Variants in SLC25A17 observed in about 807,000 individuals in gnomAD.
The protein encoded by SLC25A17 is solute carrier family 25 member 17, also known as peroxisomal membrane protein PMP34.
A neutral mutation model predicts 38.5 loss-of-function variants in SLC25A17; 26 were observed. That is an observed-to-expected ratio of 0.68 (90% CI 0.50 to 0.94). SLC25A17 has a LOEUF of 0.94. Among genes scored for constraint, SLC25A17 ranks in the 40% least tolerant of loss-of-function variants. The pLI, the probability that SLC25A17 is intolerant of heterozygous loss-of-function variation, is 0.00. For missense variants in SLC25A17, 333 were observed against 372.7 expected, an observed-to-expected ratio of 0.89 and a Z score of 0.88; for synonymous variants, 139 against 136.2, an observed-to-expected ratio of 1.02 and a Z score of -0.14.
At chr22:40,808,548 G>C (rs558654271) in intron 1 of SLC25A17, among the ~76,000 whole-genome samples, 54 of 152,328 alleles carry the variant, frequency 3.5e-4, no homozygotes, top group African/African-American at 1.3e-3. Flanking sequence ...ACACACATAA[G>C]ATCTGGGAAA....
intron 4 of SLC25A17, among the ~76,000 whole-genome samples, chr22:40,787,567 T>C (rs2057349885): frequency 6.6e-6 from 1 of 152,148 alleles, no homozygotes; most frequent in African/African-American, 2.4e-5. Flanking sequence ...CCTATAAAAG[T>C]ATACCAGCAG....
chr22:40,785,773 A>G (rs1454715896), intron 4 of SLC25A17, among the ~76,000 whole-genome samples: 2 of 151,766 alleles, frequency 1.3e-5, no homozygotes, highest in African/African-American at 2.4e-5. Flanking sequence ...AGCTAGGACT[A>G]CAAGTGCATG....
chr22:40,796,936 A>G (rs1046369257), intron 2 of SLC25A17, among the ~76,000 whole-genome samples: 2 of 152,350 alleles, frequency 1.3e-5, no homozygotes, highest in Non-Finnish European at 1.5e-5. Context: ...TGTTAAGTGA[A>G]AAGTTCAAAG....
At chr22:40,814,085 A>G (rs1243947001) in intron 1 of SLC25A17, 1 of 152,240 alleles carries the variant, frequency 6.6e-6, no homozygotes, top group African/African-American at 2.4e-5. Context: ...AAAGACTCCT[A>G]TCTTTCATTT....
intron 6 of SLC25A17, 42 bp from the exon 7 acceptor site, chr22:40,777,177 C>T: frequency 6.2e-7 from 1 of 1,613,730 alleles, no homozygotes; most frequent in Non-Finnish European, 8.5e-7. Context: ...ATCAAGTCAA[C>T]AAGAAGGTGT....
At chr22:40,792,403 A>C (rs1859271722) in intron 4 of SLC25A17, 122 bp downstream of exon 4, 2 of 843,922 alleles carry the variant, frequency 2.4e-6, no homozygotes, top group Admixed American at 3.1e-5. Context: ...AAAAAAAAAA[A>C]AACCAAGTTG....
chr22:40,792,773 C>A, intron 3 of SLC25A17, 97 bp from the exon 4 acceptor site: 2 of 1,222,498 alleles, frequency 1.6e-6, no homozygotes, highest in South Asian at 1.4e-5. Flanking sequence ...CACATGGTCT[C>A]AAGCTTCACT....
At chr22:40,783,548 G>A (rs2057311864) in intron 4 of SLC25A17, among the ~76,000 whole-genome samples, 1 of 151,796 alleles carries the variant, frequency 6.6e-6, no homozygotes, top group Non-Finnish European at 1.5e-5. Flanking sequence ...CCTACTCCTG[G>A]GCTTAAGTGA....
At chr22:40,773,413 A>C (rs1351288657) in intron 8 of SLC25A17, among the ~76,000 whole-genome samples, 1 of 146,988 alleles carries the variant, frequency 6.8e-6, no homozygotes, top group Non-Finnish European at 1.5e-5. Context: ...CTGTCTCCAA[A>C]AAAAAAAAAA....
chr22:40,812,248 TA>T (rs201451733), intron 1 of SLC25A17, among the ~76,000 whole-genome samples: 7 of 147,224 alleles, frequency 4.8e-5, no homozygotes, highest in Non-Finnish European at 6.0e-5. Context: ...GGCTACTTAC[TA>T]AAAAAAAAAG....
intron 1 of SLC25A17, among the ~76,000 whole-genome samples, chr22:40,812,017 C>T (rs568181443): frequency 2.0e-5 from 3 of 151,586 alleles, no homozygotes; most frequent in African/African-American, 7.3e-5. Context: ...GGATTTCTTT[C>T]TTTTTCTCTT....
chr22:40,799,181 G>A, intron 1 of SLC25A17, 98 bp from the exon 2 acceptor site: 2 of 627,222 alleles, frequency 3.2e-6, no homozygotes, highest in African/African-American at 9.7e-5. Flanking sequence ...ATCTAGGCTG[G>A]AGTGCAGTGG....
At chr22:40,779,263 T>C (rs2057275039) in intron 4 of SLC25A17, 138 bp from the exon 5 acceptor site, 1 of 1,523,660 alleles carries the variant, frequency 6.6e-7, no homozygotes, top group Admixed American at 2.0e-5. Flanking sequence ...AGGTGTCTCT[T>C]TGTGCCAGGG....
chr22:40,781,698 A>G (rs947619241), intron 4 of SLC25A17, among the ~76,000 whole-genome samples: 1 of 152,146 alleles, frequency 6.6e-6, no homozygotes, highest in Non-Finnish European at 1.5e-5. Flanking sequence ...GCCAAAATAG[A>G]TGGAGGAGTA....
At chr22:40,776,293 T>C (rs1226276907) in intron 7 of SLC25A17, 1 of 469,320 alleles carries the variant, frequency 2.1e-6, no homozygotes, top group East Asian at 7.0e-5. Flanking sequence ...TAGTAAATAT[T>C]TGAATGGATA....
intron 1 of SLC25A17, among the ~76,000 whole-genome samples, chr22:40,813,681 G>T (rs918263176): frequency 6.6e-6 from 1 of 152,146 alleles, no homozygotes; most frequent in Non-Finnish European, 1.5e-5. Context: ...CCGAGATCAC[G>T]CCACTGCACT....
At chr22:40,781,665 A>T (rs2057295955) in intron 4 of SLC25A17, among the ~76,000 whole-genome samples, 1 of 152,200 alleles carries the variant, frequency 6.6e-6, no homozygotes, top group Non-Finnish European at 1.5e-5. Flanking sequence ...TGAGAAGTTC[A>T]AGTACTTTTT....
rs2057172895 is a variant in SLC25A17 at position 40,770,726 on chromosome 22, G to A, written c.*108C>T. On this transcript the variant is annotated 3_prime_UTR_variant, in exon 9 of 9. Transcript: ENST00000435456. ...CTTGGATGCTTTTCAAGCCAATGAG[G>A]GTAACATTTGTGGTGGCAGGAGCCA... is the stretch of plus-strand genomic sequence containing the variant. 3 of 1,218,678 alleles carry A rather than the reference G, an allele frequency of 2.5e-6. No homozygotes were observed. The African/African-American group carries it at 4.5e-5, about 18-fold the overall frequency. 75.5% of individuals were successfully genotyped at this position (1,218,678 alleles called of 1,614,324 possible).
At chr22:40,783,896 G>T (rs1316142072) in intron 4 of SLC25A17, among the ~76,000 whole-genome samples, 1 of 152,042 alleles carries the variant, frequency 6.6e-6, no homozygotes, top group Non-Finnish European at 1.5e-5. Flanking sequence ...AGTAGACAGG[G>T]GGTTTCGCCA....
Sources: gnomAD v4.1 joint callset for allele counts (sites outside exome capture counted in the v4.1 genomes callset) on GRCh38, gnomAD v4.1.1 for gene constraint, MANE v1.5 for transcripts, NCBI Gene and HGNC (gene_info 2026-07-23, HGNC 2026-07-21) for gene names.